PARD6B: variants seen among roughly 807,000 people sequenced by gnomAD.
PARD6B encodes par-6 family cell polarity regulator beta.
In PARD6B, 4 loss-of-function variants were observed where a neutral mutation model predicts 10.5. The ratio of observed to expected loss-of-function variants is 0.38; its 90% CI spans 0.19 to 0.87. PARD6B has a LOEUF of 0.87. Ranked by LOEUF, PARD6B falls within the 40% of genes least tolerant of loss-of-function variation. The pLI, the probability that PARD6B is intolerant of heterozygous loss-of-function variation, is 0.41. For synonymous variants in PARD6B, 169 were observed against 170.4 expected, an observed-to-expected ratio of 0.99 and a Z score of 0.07; for missense variants, 396 against 470.6, an observed-to-expected ratio of 0.84 and a Z score of 1.47.
chr20:50,742,780 A>G (rs1398091426), intron 2 of PARD6B, among the ~76,000 whole-genome samples: 1 of 152,212 alleles, frequency 6.6e-6, no homozygotes, highest in African/African-American at 2.4e-5. Flanking sequence ...TTACAATTCA[A>G]TGTGTAAACT....
Position 50,731,824 on chromosome 20 carries a change from G to T in PARD6B, c.38G>T (p.Cys13Phe). 6.8e-7 allele frequency: 1 copy of T among 1,463,968 alleles called. No individual in the cohort carries two copies. Among genetic ancestry groups the T allele is most frequent in the South Asian group, 1.3e-5 (1 of 76,504 alleles). 90.7% of individuals were successfully genotyped at this position (1,463,968 alleles called of 1,614,324 possible). ...CACCGGCACGGGGCGGGCAGCGGCT[G>T]CCTGGGCACTATGGAGGTGAAGAGC... ...RSHRHGAGSG[C>F]LGTMEVKSKF... Residue 13 changes from cysteine to phenylalanine, a missense_variant, in exon 1 of 3, where the codon TGC (cysteine) becomes TTC (phenylalanine). Physicochemically the swap from Cys to Phe is radical, Grantham distance 205. This residue lies in a region of PARD6B where 208 missense variants were observed against 300.9 expected (regional missense o/e 0.69). Coordinates refer to ENST00000371610, the MANE Select transcript of PARD6B (RefSeq NM_032521.3).
rs536125295 is a variant in PARD6B, at chr20:50,737,354, C to T, written c.67-503C>T. Among the ~76,000 whole-genome samples, 469 of 152,288 alleles carry T rather than the reference C, an allele frequency of 3.1e-3. 2 individuals carry two copies. Among genetic ancestry groups the T allele is most frequent in the Non-Finnish European group, 5.6e-3 (383 of 68,034 alleles). ...CTGCATTAACATAGGGAAGATCATA[C>T]CTTAACGCCACGTAGCTCACAGTTC... On this transcript the variant is annotated intron_variant, in intron 1 of 2. Transcript: ENST00000371610.
intron 1 of PARD6B, among the ~76,000 whole-genome samples, chr20:50,732,672 A>C (rs555957249): frequency 1.4e-4 from 22 of 152,280 alleles, no homozygotes; most frequent in African/African-American, 5.3e-4. Flanking sequence ...GCGTTTCTTG[A>C]GTTGAAGAGT....
At chr20:50,740,712 T>A (rs922523193) in intron 2 of PARD6B, among the ~76,000 whole-genome samples, 1 of 152,178 alleles carries the variant, frequency 6.6e-6, no homozygotes, top group Admixed American at 6.5e-5. Context: ...GATTTAGAAA[T>A]AGGCAATTCA....
At chr20:50,744,365 C>T (rs910754077) in intron 2 of PARD6B, among the ~76,000 whole-genome samples, 8 of 151,898 alleles carry the variant, frequency 5.3e-5, no homozygotes, top group African/African-American at 1.7e-4. Context: ...CCGCCCACCT[C>T]GGCCTGCCAA....
At chr20:50,736,889 C>T (rs965215314) in intron 1 of PARD6B, among the ~76,000 whole-genome samples, 10 of 151,894 alleles carry the variant, frequency 6.6e-5, no homozygotes, top group African/African-American at 1.5e-4. Flanking sequence ...TTAGTAGAGA[C>T]GGGTTTTGCC....
chr20:50,740,883 T>G (rs2087526567), intron 2 of PARD6B, among the ~76,000 whole-genome samples: 1 of 152,068 alleles, frequency 6.6e-6, no homozygotes, highest in South Asian at 2.1e-4. Flanking sequence ...AACCTCATCT[T>G]CCCTCATTCT....
intron 2 of PARD6B, among the ~76,000 whole-genome samples, chr20:50,738,476 C>T (rs1439231464): frequency 2.6e-5 from 4 of 152,212 alleles, no homozygotes; most frequent in African/African-American, 4.8e-5. Context: ...TGGCAACCAA[C>T]TTTCAAAGGC....
At position 50,752,392 on chromosome 20, in the gene PARD6B, T is replaced by C; in HGVS notation, c.*1904T>C. The C allele has an allele frequency of 1.0e-6, 1 of 985,824 alleles. No individual in the cohort carries two copies. Among genetic ancestry groups the C allele is most frequent in the Non-Finnish European group, 1.2e-6 (1 of 829,904 alleles). 61.1% of individuals were successfully genotyped at this position (985,824 alleles called of 1,614,324 possible). On this transcript the variant is annotated 3_prime_UTR_variant, in exon 3 of 3. Transcript: ENST00000371610. Reference sequence around the variant, plus strand: ...TTCTAGAAACACTGCCTACACTTTATGAAAACTACATAGTATTCACCTGTG... The same window carrying C: ...TTCTAGAAACACTGCCTACACTTTACGAAAACTACATAGTATTCACCTGTG...
chr20:50,746,101 T>G (rs895536802), intron 2 of PARD6B, among the ~76,000 whole-genome samples: 2 of 151,614 alleles, frequency 1.3e-5, no homozygotes, highest in African/African-American at 4.8e-5. Context: ...TTTTACTCAC[T>G]GTGAAGCTTT....
chr20:50,753,427 A>T lies in PARD6B; in HGVS notation c.*2939A>T. ...AAAAGTATCAGTGGATCCAACATAAAATTTTATAGTACTAAATGTCAAGCC... is the reference window on the plus strand; with the variant it reads ...AAAAGTATCAGTGGATCCAACATAATATTTTATAGTACTAAATGTCAAGCC... On this transcript the variant is annotated 3_prime_UTR_variant, in exon 3 of 3. Coordinates refer to ENST00000371610, the MANE Select transcript of PARD6B (RefSeq NM_032521.3). 2.0e-6 allele frequency: 2 copies of T among 982,874 alleles called. No homozygotes were observed. Among genetic ancestry groups the T allele is most frequent in the Non-Finnish European group, 2.4e-6 (2 of 827,234 alleles). 60.9% of individuals were successfully genotyped at this position (982,874 alleles called of 1,614,324 possible). A position where few individuals can be genotyped will look rare whatever the true frequency, so the allele number is the denominator to read the frequency against.
At chr20:50,733,215 T>C (rs1307545518) in intron 1 of PARD6B, among the ~76,000 whole-genome samples, 1 of 152,062 alleles carries the variant, frequency 6.6e-6, no homozygotes, top group African/African-American at 2.4e-5. Flanking sequence ...AGGTCAGGAG[T>C]GCCAGACCAG....
chr20:50,751,267 A>G lies in PARD6B; in HGVS notation c.*779A>G, dbSNP rs971025809. 11 of 952,792 alleles carry G rather than the reference A, an allele frequency of 1.2e-5. No homozygotes were observed. The African/African-American group carries it at 2.3e-4, about 20-fold the overall frequency. 59.0% of individuals were successfully genotyped at this position (952,792 alleles called of 1,614,324 possible). On this transcript the variant is annotated 3_prime_UTR_variant, in exon 3 of 3. Coordinates refer to ENST00000371610, the MANE Select transcript of PARD6B (RefSeq NM_032521.3). Reference sequence around the variant, plus strand: ...GAGCCACCATGCCCAGCCTATTTTGATTTTTGTTTTTTTATGTTCCTTTCT... The same window carrying G: ...GAGCCACCATGCCCAGCCTATTTTGGTTTTTGTTTTTTTATGTTCCTTTCT...
chr20:50,749,003 A>G (rs1424398576), intron 2 of PARD6B, among the ~76,000 whole-genome samples: 1 of 152,140 alleles, frequency 6.6e-6, no homozygotes. Flanking sequence ...GCAAGACCCT[A>G]TTCAAAAAAA....
intron 2 of PARD6B, among the ~76,000 whole-genome samples, chr20:50,749,355 AAT>A (rs1447046616): frequency 6.6e-6 from 1 of 151,418 alleles, no homozygotes; most frequent in Non-Finnish European, 1.5e-5. Context: ...AAAAAAAAAA[AAT>A]ATGTAAGATC....
Position 50,737,948 on chromosome 20 carries a change from T to G in PARD6B, c.158T>G (p.Ile53Ser). 1 of 1,613,636 alleles carries G rather than the reference T, an allele frequency of 6.2e-7. No individual in the cohort carries two copies. The highest frequency in any genetic ancestry group is 8.5e-7 in the Non-Finnish European group (1 of 1,179,844). Residue 53 changes from isoleucine to serine, a missense_variant, in exon 2 of 3, where the codon ATC becomes AGC. By Grantham distance (142) the Ile-to-Ser change is moderately radical. Transcript: ENST00000371610. ...GGATTACTACAACATGTTCATAAGA[T>G]CCCCAATGTTGACGTTTTGGTAGGC... ...FYGLLQHVHKIPNVDVLVGYA... is the reference protein window; with the variant it reads ...FYGLLQHVHKSPNVDVLVGYA...
At chr20:50,743,984 T>A (rs977395916) in intron 2 of PARD6B, among the ~76,000 whole-genome samples, 1 of 151,946 alleles carries the variant, frequency 6.6e-6, no homozygotes, top group Non-Finnish European at 1.5e-5. Context: ...GACACATACC[T>A]ATTTTTTAGT....
chr20:50,738,659 A>T (rs1229979820), intron 2 of PARD6B, among the ~76,000 whole-genome samples: 1 of 152,208 alleles, frequency 6.6e-6, no homozygotes, highest in Non-Finnish European at 1.5e-5. Context: ...TCTTTCTTTT[A>T]CTTTTAGGAT....
chr20:50,743,250 C>T (rs968471646), intron 2 of PARD6B, among the ~76,000 whole-genome samples: 4 of 152,232 alleles, frequency 2.6e-5, no homozygotes, highest in African/African-American at 9.6e-5. Context: ...GACCCCTCTC[C>T]AGATCTAGTC....
Sources: allele counts gnomAD v4.1 joint callset (sites outside exome capture counted in the v4.1 genomes callset), GRCh38; gene constraint gnomAD v4.1.1; regional missense constraint gnomAD v4.1.1; transcripts MANE v1.5; gene names NCBI Gene and HGNC (gene_info 2026-07-23, HGNC 2026-07-21).